The following GPM6B variants were observed in gnomAD, a reference collection of about 807,000 sequenced individuals.
GPM6B encodes the protein glycoprotein M6B.
GPM6B carries 4 observed loss-of-function variants against 27.2 expected under a neutral mutation model. The observed-to-expected ratio is 0.15, with a 90% CI of 0.07 to 0.34. GPM6B has a LOEUF of 0.34. Ranked by LOEUF, GPM6B falls within the 10% of genes least tolerant of loss-of-function variation. GPM6B has a pLI of 1.00. For synonymous variants in GPM6B, 124 were observed against 103.1 expected (o/e 1.20, Z -1.23); for missense variants, 183 against 261.9 (o/e 0.70, Z 2.08).
intron 1 of GPM6B, among the ~76,000 whole-genome samples, chrX:13,858,600 G>A (rs763022710): frequency 1.8e-5 from 2 of 111,334 alleles, no homozygotes; most frequent in Non-Finnish European, 3.8e-5. Flanking sequence ...CAAAGTCCTC[G>A]AGTCTTTCCA....
rs772367299 is a variant in GPM6B at position 13,773,953 on chromosome X, CTTTTTTTTTTTTT to C, written c.838-936_838-924del. Reference sequence around the variant, plus strand: ...AAAAAAAACTACCCACATATAAATCCTTTTTTTTTTTTTTTTTTTTTTTTTTCCAGAGAACTGG... The same window carrying C: ...AAAAAAAACTACCCACATATAAATCCTTTTTTTTTTTTTCCAGAGAACTGG... On this transcript the variant is annotated intron_variant, in intron 7 of 7. Transcript: ENST00000316715. 9.2e-5 allele frequency: 40 copies of C among 436,314 alleles called. No individual in the cohort carries two copies. The Admixed American group carries it at 1.2e-3, about 13-fold the overall frequency. 36.0% of individuals were successfully genotyped at this position (436,314 alleles called of 1,213,427 possible). A position where few individuals can be genotyped will look rare whatever the true frequency, so the allele number is the denominator to read the frequency against.
chrX:13,912,558 T>C (rs16979356), intron 1 of GPM6B, among the ~76,000 whole-genome samples: 1,544 of 107,448 alleles, frequency 0.014, 23 homozygotes, highest in African/African-American at 0.05. Flanking sequence ...ATCCTTTTGA[T>C]AGATACAACT....
intron 2 of GPM6B, among the ~76,000 whole-genome samples, chrX:13,795,742 C>CTTTT (rs146240939): frequency 1.2e-5 from 1 of 82,784 alleles, no homozygotes; most frequent in African/African-American, 4.6e-5. Context: ...AATTTCTTTT[C>CTTTT]TTTTTTTTTT....
intron 1 of GPM6B, among the ~76,000 whole-genome samples, chrX:13,903,155 G>A (rs2050297498): frequency 8.9e-6 from 1 of 112,096 alleles, no homozygotes; most frequent in African/African-American, 3.2e-5. Flanking sequence ...CTGTGATTCT[G>A]CAAGGTGAGA....
chrX:13,790,923 T>C (rs1008982088), intron 2 of GPM6B, among the ~76,000 whole-genome samples: 1 of 111,823 alleles, frequency 8.9e-6, no homozygotes, highest in African/African-American at 3.3e-5. Flanking sequence ...AAAAAGGAAG[T>C]AGATCTGGGA....
intron 1 of GPM6B, among the ~76,000 whole-genome samples, chrX:13,827,407 C>T (rs2049387820): frequency 9.2e-6 from 1 of 108,892 alleles, no homozygotes; most frequent in African/African-American, 3.4e-5. Context: ...CTCAGCCTCC[C>T]AAATAGCTGG....
At chrX:13,822,533 ATTTT>A (rs1226831480) in intron 1 of GPM6B, among the ~76,000 whole-genome samples, 1 of 98,659 alleles carries the variant, frequency 1.0e-5, no homozygotes, top group Non-Finnish European at 2.1e-5. Context: ...CGCCCAGCTA[ATTTT>A]TTTTTTTTTT....
At chrX:13,881,679 G>A (rs1339606317) in intron 1 of GPM6B, among the ~76,000 whole-genome samples, 1 of 53,635 alleles carries the variant, frequency 1.9e-5, no homozygotes, top group African/African-American at 7.5e-5. Flanking sequence ...TTACTGTCCT[G>A]AGTCTTCAGG....
chrX:13,776,933 TTCCTCTATGAAATAGAGGGAC>T (rs1224594673), intron 6 of GPM6B, among the ~76,000 whole-genome samples: 7 of 111,772 alleles, frequency 6.3e-5, no homozygotes, highest in Non-Finnish European at 3.8e-5. Flanking sequence ...TATACACAAA[TTCCTCTATGAAATAGAGGGAC>T]TCCTCTATGA....
At chrX:13,875,951 T>C (rs926064554) in intron 1 of GPM6B, among the ~76,000 whole-genome samples, 1 of 112,406 alleles carries the variant, frequency 8.9e-6, no homozygotes, top group Non-Finnish European at 1.9e-5. Context: ...GTGATGTTTG[T>C]ACAACATTGT....
At chrX:13,859,773 TATAA>T (rs771768526) in intron 1 of GPM6B, among the ~76,000 whole-genome samples, 3 of 111,625 alleles carry the variant, frequency 2.7e-5, no homozygotes, top group Admixed American at 9.5e-5. Context: ...GATGAGTTAA[TATAA>T]ATAATGTGCT....
intron 2 of GPM6B, among the ~76,000 whole-genome samples, chrX:13,787,286 A>G (rs985639640): frequency 3.6e-5 from 4 of 111,940 alleles, no homozygotes; most frequent in Non-Finnish European, 7.5e-5. Flanking sequence ...TTTAATTTCA[A>G]AAGATGAGCA....
intron 2 of GPM6B, among the ~76,000 whole-genome samples, chrX:13,799,920 C>A (rs2048889905): frequency 8.9e-6 from 1 of 111,787 alleles, no homozygotes; most frequent in Admixed American, 9.5e-5. Flanking sequence ...ACACCACCCC[C>A]AATGATCCCC....
Position 13,804,249 on chromosome X carries a change from C to G in GPM6B, c.181+3401G>C, listed in dbSNP as rs1438244733. Among the ~76,000 whole-genome samples, 5 of 111,514 alleles carry G rather than the reference C, an allele frequency of 4.5e-5. No homozygotes were observed. In the Admixed American group the frequency reaches 4.7e-4, roughly 11 times the overall value. On this transcript the variant is annotated intron_variant, in intron 2 of 7. Coordinates refer to ENST00000316715, the MANE Select transcript of GPM6B (RefSeq NM_001001995.3). ...AATCTAGATTGTCTTAGGCTATCCT[C>G]TGGAGCCTGTGTAACACAATCTACA...
At chrX:13,816,104 T>C (rs963637148) in intron 1 of GPM6B, among the ~76,000 whole-genome samples, 1 of 112,264 alleles carries the variant, frequency 8.9e-6, no homozygotes, top group Non-Finnish European at 1.9e-5. Flanking sequence ...AGATTAATTT[T>C]AGTTCCTTTC....
chrX:13,815,820 G>T (rs1218892479), intron 1 of GPM6B, among the ~76,000 whole-genome samples: 1 of 112,043 alleles, frequency 8.9e-6, no homozygotes, highest in Non-Finnish European at 1.9e-5. Flanking sequence ...GGTTCAGCCT[G>T]TATCTTTATA....
intron 1 of GPM6B, among the ~76,000 whole-genome samples, chrX:13,921,385 G>T (rs945869872): frequency 9.8e-5 from 11 of 111,913 alleles, no homozygotes; most frequent in African/African-American, 3.6e-4. Flanking sequence ...TTTAGTAGAA[G>T]AGTGGGGCTT....
chrX:13,790,591 T>C (rs759473606), intron 2 of GPM6B, among the ~76,000 whole-genome samples: 1 of 111,791 alleles, frequency 8.9e-6, no homozygotes, highest in African/African-American at 3.2e-5. Context: ...TCATATTCGA[T>C]GGTGTGTGAT....
intron 7 of GPM6B, chrX:13,773,246 T>G (rs947852169): frequency 1.4e-5 from 4 of 282,842 alleles, no homozygotes; most frequent in Non-Finnish European, 2.5e-5. Context: ...ACAAACATAG[T>G]GAACTGGAAA....
Sources: allele counts gnomAD v4.1 joint callset (sites outside exome capture counted in the v4.1 genomes callset), GRCh38; gene constraint gnomAD v4.1.1; transcripts MANE v1.5; gene names NCBI Gene and HGNC (gene_info 2026-07-23, HGNC 2026-07-21).